The following CCSER1 variants were observed in gnomAD, a reference collection of about 807,000 sequenced individuals.
The protein encoded by CCSER1 is coiled-coil serine rich protein 1.
Under a neutral mutation model 82.0 loss-of-function variants are expected in CCSER1, and 41 were observed. The observed-to-expected ratio is 0.50, with a 90% CI of 0.39 to 0.65. The LOEUF (loss-of-function observed/expected upper bound fraction) is 0.65. CCSER1 is among the 30% of genes least tolerant of loss of function. The pLI, the probability that CCSER1 is intolerant of heterozygous loss-of-function variation, is 0.00. For synonymous variants in CCSER1, 414 were observed against 383.9 expected (o/e 1.08, Z -0.92); for missense variants, 1,119 against 1,064.2 (o/e 1.05, Z -0.72).
intron 10 of CCSER1, among the ~76,000 whole-genome samples, chr4:91,416,566 T>G (rs1355759462): frequency 2.0e-5 from 3 of 152,178 alleles, no homozygotes; most frequent in Non-Finnish European, 4.4e-5. Flanking sequence ...TGCAATCATC[T>G]TATCTTCGAC....
chr4:90,254,253 T>C lies in CCSER1; in HGVS notation c.-41-53991T>C, dbSNP rs1242598719. Among the ~76,000 whole-genome samples the C allele has an allele frequency of 2.0e-5, 3 of 152,190 alleles. No individual in the cohort carries two copies. The East Asian group carries it at 5.8e-4, about 29-fold the overall frequency. ...GGAAGACCTATAGAGCATTAGTTCC[T>C]TCTGGCTTGCCTCGTTCTCTGGGCA... On this transcript the variant is annotated intron_variant, in intron 1 of 10. Coordinates refer to ENST00000509176, the MANE Select transcript of CCSER1 (RefSeq NM_001145065.2).
At chr4:90,916,858 T>C (rs1482309121) in intron 8 of CCSER1, among the ~76,000 whole-genome samples, 1 of 152,098 alleles carries the variant, frequency 6.6e-6, no homozygotes, top group Non-Finnish European at 1.5e-5. Flanking sequence ...GCAAAGGATA[T>C]GAACAGACAC....
chr4:91,596,839 A>G (rs1308610298), intron 10 of CCSER1, among the ~76,000 whole-genome samples: 1 of 152,008 alleles, frequency 6.6e-6, no homozygotes, highest in African/African-American at 2.4e-5. Flanking sequence ...AAAAATATAA[A>G]TAAGTAAAGA....
intron 10 of CCSER1, among the ~76,000 whole-genome samples, chr4:91,106,477 C>G (rs1379356078): frequency 6.6e-6 from 1 of 152,156 alleles, no homozygotes. Flanking sequence ...TAACTAATCT[C>G]CACTTAACTA....
chr4:90,657,513 A>G (rs1729919746), intron 6 of CCSER1, among the ~76,000 whole-genome samples: 1 of 152,070 alleles, frequency 6.6e-6, no homozygotes, highest in African/African-American at 2.4e-5. Context: ...AATTGCATAT[A>G]TTTTGATGTT....
At chr4:91,454,266 A>G (rs1324432608) in intron 10 of CCSER1, among the ~76,000 whole-genome samples, 1 of 152,070 alleles carries the variant, frequency 6.6e-6, no homozygotes, top group Non-Finnish European at 1.5e-5. Flanking sequence ...TGGTCGCCCT[A>G]CAAAGGCTCT....
At chr4:91,169,381 G>T (rs1003671883) in intron 10 of CCSER1, among the ~76,000 whole-genome samples, 4 of 152,088 alleles carry the variant, frequency 2.6e-5, no homozygotes, top group Non-Finnish European at 5.9e-5. Flanking sequence ...AGCACTTTGG[G>T]AGGCCGAGGC....
At chr4:91,352,717 G>A (rs1748561389) in intron 10 of CCSER1, among the ~76,000 whole-genome samples, 1 of 152,112 alleles carries the variant, frequency 6.6e-6, no homozygotes, top group Admixed American at 6.5e-5. Flanking sequence ...ATGTTATAAG[G>A]AATATAATGT....
intron 5 of CCSER1, among the ~76,000 whole-genome samples, chr4:90,622,445 T>C (rs1356248938): frequency 3.9e-5 from 6 of 152,140 alleles, no homozygotes; most frequent in East Asian, 1.9e-4. Context: ...CAGGCCCCGG[T>C]GCGTGATGTT....
At chr4:91,380,194 G>A (rs546744476) in intron 10 of CCSER1, among the ~76,000 whole-genome samples, 76 of 152,266 alleles carry the variant, frequency 5.0e-4, no homozygotes, top group African/African-American at 1.1e-3. Context: ...GAATAAGTGC[G>A]ATGTGGTGCT....
intron 10 of CCSER1, among the ~76,000 whole-genome samples, chr4:91,546,849 A>G (rs1761916491): frequency 6.6e-6 from 1 of 151,870 alleles, no homozygotes; most frequent in African/African-American, 2.4e-5. Flanking sequence ...TTTTTCTAAT[A>G]TATGCATTAA....
chr4:90,602,382 T>C (rs1717603029), intron 5 of CCSER1, among the ~76,000 whole-genome samples: 2 of 152,194 alleles, frequency 1.3e-5, no homozygotes, highest in South Asian at 4.1e-4. Flanking sequence ...TATTTTATTT[T>C]TAATCTATGA....
chr4:90,835,418 T>A (rs1283683982), intron 8 of CCSER1, among the ~76,000 whole-genome samples: 1 of 152,200 alleles, frequency 6.6e-6, no homozygotes, highest in Non-Finnish European at 1.5e-5. Context: ...ATATTTGAGC[T>A]TCTAAATGCA....
At chr4:90,337,772 A>G (rs1418609031) in intron 3 of CCSER1, among the ~76,000 whole-genome samples, 3 of 152,314 alleles carry the variant, frequency 2.0e-5, no homozygotes, top group Non-Finnish European at 2.9e-5. Context: ...AGATAATAGT[A>G]TTTAACCCAT....
intron 3 of CCSER1, among the ~76,000 whole-genome samples, chr4:90,361,350 A>G (rs1745334345): frequency 6.6e-6 from 1 of 152,254 alleles, no homozygotes; most frequent in East Asian, 1.9e-4. Flanking sequence ...CTCTATTTCC[A>G]TTTGTTTTAC....
At chr4:90,511,900 T>C (rs1717266145) in intron 5 of CCSER1, among the ~76,000 whole-genome samples, 1 of 152,026 alleles carries the variant, frequency 6.6e-6, no homozygotes, top group South Asian at 2.1e-4. Context: ...ATAACATCCT[T>C]GTAGGTATGA....
intron 9 of CCSER1, among the ~76,000 whole-genome samples, chr4:91,027,065 T>G (rs1444140396): frequency 6.6e-6 from 1 of 152,118 alleles, no homozygotes. Context: ...GGGTAGTGTT[T>G]AAACAAGTGT....
intron 10 of CCSER1, among the ~76,000 whole-genome samples, chr4:91,300,311 G>T (rs1744568668): frequency 6.6e-6 from 1 of 151,726 alleles, no homozygotes; most frequent in African/African-American, 2.4e-5. Flanking sequence ...GTCTAGTTTT[G>T]GTATCTACTC....
chr4:90,377,103 A>G (rs953158121), intron 3 of CCSER1, among the ~76,000 whole-genome samples: 2 of 152,240 alleles, frequency 1.3e-5, no homozygotes, highest in East Asian at 1.9e-4. Context: ...GGTTATTGCT[A>G]TTGATCTAGA....
Sources: gnomAD v4.1 joint callset for allele counts (sites outside exome capture counted in the v4.1 genomes callset) on GRCh38, gnomAD v4.1.1 for gene constraint, MANE v1.5 for transcripts, NCBI Gene and HGNC (gene_info 2026-07-23, HGNC 2026-07-21) for gene names.